The following FLYWCH1 variants were observed in gnomAD, a reference collection of about 807,000 sequenced individuals.
FLYWCH1 encodes the protein FLYWCH-type zinc finger-containing protein 1.
In FLYWCH1, 75 loss-of-function variants were observed where a neutral mutation model predicts 66.4. The ratio of observed to expected loss-of-function variants is 1.13; its 90% CI spans 0.94 to 1.37. The LOEUF (loss-of-function observed/expected upper bound fraction) is 1.37, where lower values mean the gene tolerates loss of function less well. Among genes scored for constraint, FLYWCH1 ranks in the 40% most tolerant of loss-of-function variants. FLYWCH1 has a pLI of 0.00. For missense variants in FLYWCH1, 1,334 were observed against 1,001.8 expected (o/e 1.33, Z -4.48); for synonymous variants, 595 against 429.9 (o/e 1.38, Z -4.75).
intron 9 of FLYWCH1, among the ~76,000 whole-genome samples, chr16:2,942,849 G>A (rs772875069): frequency 1.6e-4 from 24 of 150,496 alleles, no homozygotes; most frequent in African/African-American, 2.7e-4. Flanking sequence ...TTAGAAGTGC[G>A]CACCACCACG....
intron 9 of FLYWCH1, among the ~76,000 whole-genome samples, chr16:2,942,874 G>C (rs1016964278): frequency 6.6e-6 from 1 of 151,892 alleles, no homozygotes; most frequent in Non-Finnish European, 1.5e-5. Flanking sequence ...GCTAATTTTT[G>C]TATTTTTAGT....
intron 2 of FLYWCH1, among the ~76,000 whole-genome samples, chr16:2,927,429 A>T (rs2070610304): frequency 2.6e-5 from 4 of 152,220 alleles, no homozygotes; most frequent in African/African-American, 9.6e-5. Context: ...GGAAGGAGTT[A>T]AACAATATGG....
At chr16:2,934,115 C>A in intron 6 of FLYWCH1, 136 bp downstream of exon 6, 1 of 1,140,394 alleles carries the variant, frequency 8.8e-7, no homozygotes, top group Non-Finnish European at 1.2e-6. Flanking sequence ...GAACTATGGC[C>A]CTGGCCTCCT....
intron 2 of FLYWCH1, among the ~76,000 whole-genome samples, chr16:2,918,398 T>G (rs550774959): frequency 2.6e-5 from 4 of 151,232 alleles, no homozygotes; most frequent in African/African-American, 9.7e-5. Flanking sequence ...CCGCCTGCCT[T>G]GGCCTTCTAA....
rs1263112915 is a variant in FLYWCH1, at chr16:2,937,327, C to G, written c.1720C>G (p.Leu574Val). 1 of 1,600,214 alleles carries G rather than the reference C, an allele frequency of 6.2e-7. No individual in the cohort carries two copies. The highest frequency in any genetic ancestry group is 1.7e-5 in the Admixed American group (1 of 58,890). The change falls in exon 7 of 10, where the codon CTG becomes GTG. Residue 574 changes from leucine (L) to valine (V), a missense_variant. Transcript: ENST00000253928. The stretch of plus-strand genomic sequence containing the variant: ...CTGCCACCCACCGGACCTGGGCGGC[C>G]TGGAGGCCCTGCGGCAGCGGGAGCA... ...RHCHPPDLGG[L>V]EALRQREHFP...
chr16:2,945,961 C>T, intron 9 of FLYWCH1, among the ~76,000 whole-genome samples: 1 of 151,944 alleles, frequency 6.6e-6, no homozygotes. Flanking sequence ...TGCGACACTG[C>T]ACTCCAGCCT....
At chr16:2,948,595 G>A in intron 9 of FLYWCH1, 93 bp from the exon 10 acceptor site, 2 of 1,358,228 alleles carry the variant, frequency 1.5e-6, no homozygotes, top group South Asian at 2.4e-5. Flanking sequence ...GGCATCCCCA[G>A]GAAAAAGGAT....
chr16:2,940,291 G>T (rs529730673), intron 9 of FLYWCH1, 199 bp downstream of exon 9: 8 of 520,250 alleles, frequency 1.5e-5, no homozygotes, highest in Non-Finnish European at 2.7e-5. Flanking sequence ...GAGGCTGGAG[G>T]CCCTGCTCCT....
intron 4 of FLYWCH1, among the ~76,000 whole-genome samples, chr16:2,931,471 C>T (rs1035390556): frequency 9.4e-5 from 14 of 149,568 alleles, no homozygotes; most frequent in African/African-American, 3.2e-4. Context: ...AAAAAATCAG[C>T]CAGCTGTTGT....
Position 2,938,352 on chromosome 16 carries a change from G to A in FLYWCH1, c.1946G>A (p.Arg649His), listed in dbSNP as rs565279594. The A allele has an allele frequency of 2.1e-4, 329 of 1,599,260 alleles. No homozygotes were observed. Among genetic ancestry groups the A allele is most frequent in the Non-Finnish European group, 2.6e-4 (310 of 1,172,104 alleles). Residue 649 changes from arginine to histidine, a missense_variant, in exon 8 of 10, where the codon CGC becomes CAC. Arg to His is a conservative substitution (Grantham distance 29). Transcript: ENST00000253928. ...AGCCGCGCCATAACCCAGGGCCACCGCATCATGGTCATGCGCAGCCACTGC... is the reference window on the plus strand; with the variant it reads ...AGCCGCGCCATAACCCAGGGCCACCACATCATGGTCATGCGCAGCCACTGC... Reference protein sequence around the residue: ...CRSRAITQGHRIMVMRSHCHQ... With the variant: ...CRSRAITQGHHIMVMRSHCHQ...
At chr16:2,930,359 G>A (rs563596574) in intron 3 of FLYWCH1, 51 bp from the exon 4 acceptor site, 12 of 1,196,712 alleles carry the variant, frequency 1.0e-5, no homozygotes, top group African/African-American at 9.3e-5. Flanking sequence ...CTGTGCCTGC[G>A]ACCCTGAGCT....
intron 2 of FLYWCH1, among the ~76,000 whole-genome samples, chr16:2,927,335 C>A (rs188117972): frequency 6.6e-6 from 1 of 152,100 alleles, no homozygotes; most frequent in Non-Finnish European, 1.5e-5. Flanking sequence ...CGGTACCGGC[C>A]GGGGAAGGGG....
intron 2 of FLYWCH1, chr16:2,922,649 G>A (rs866885854): frequency 3.7e-5 from 16 of 429,214 alleles, no homozygotes; most frequent in South Asian, 7.4e-5. Context: ...TTAGCCAGCC[G>A]GACTCGGTTT....
Position 2,939,314 on chromosome 16 carries a change from G to A in FLYWCH1, c.2051-718G>A, listed in dbSNP as rs139889972. Among the ~76,000 whole-genome samples, 466 of 152,244 alleles carry A rather than the reference G, an allele frequency of 3.1e-3. 4 individuals are homozygous for A. Among genetic ancestry groups the A allele is most frequent in the South Asian group, 9.1e-3 (44 of 4,828 alleles). On this transcript the variant is annotated intron_variant, in intron 8 of 9. Transcript: ENST00000253928. Reference sequence around the variant, plus strand: ...TACAAAATTAGCTGGACATGGTGACGCATGCCTGTAATCCCAGCTACGCTG... The same window carrying A: ...TACAAAATTAGCTGGACATGGTGACACATGCCTGTAATCCCAGCTACGCTG...
At position 2,937,606 on chromosome 16, in the gene FLYWCH1, C is replaced by T. The variant is rs541595605; in HGVS notation, c.1777+222C>T. On this transcript the variant is annotated intron_variant, in intron 7 of 9. Transcript: ENST00000253928. ...TGGCTGTCGGAGGTAGAAACCCACT[C>T]AGCTCTCTAGAGGAAGAGGATGGTG... Among the ~76,000 whole-genome samples, 30 of 152,266 alleles carry T rather than the reference C, an allele frequency of 2.0e-4. No homozygotes were observed. In the South Asian group the frequency reaches 5.0e-3, roughly 25 times the overall value.
intron 9 of FLYWCH1, among the ~76,000 whole-genome samples, chr16:2,946,957 A>G (rs1445859015): frequency 1.3e-5 from 2 of 152,180 alleles, no homozygotes; most frequent in Non-Finnish European, 2.9e-5. Flanking sequence ...AATGTTCAAC[A>G]TAGAGGTACC....
intron 2 of FLYWCH1, chr16:2,922,782 A>G: frequency 1.9e-6 from 1 of 521,348 alleles, no homozygotes; most frequent in South Asian, 1.4e-5. Context: ...CACCTCACAG[A>G]GTTCTTCACA....
chr16:2,935,062 T>G (rs2070941734), intron 6 of FLYWCH1: 1 of 153,624 alleles, frequency 6.5e-6, no homozygotes, highest in Admixed American at 6.5e-5. Context: ...TAGCTGGGAT[T>G]ACAGGCGCCT....
At chr16:2,942,672 C>T (rs1308033225) in intron 9 of FLYWCH1, among the ~76,000 whole-genome samples, 1 of 49,140 alleles carries the variant, frequency 2.0e-5, no homozygotes, top group Non-Finnish European at 3.8e-5. Context: ...GACTGCTGCC[C>T]TAAGAACAGC....
Sources: gnomAD v4.1 joint callset for allele counts (sites outside exome capture counted in the v4.1 genomes callset) on GRCh38, gnomAD v4.1.1 for gene constraint, MANE v1.5 for transcripts, NCBI Gene and HGNC (gene_info 2026-07-23, HGNC 2026-07-21) for gene names.